CSMD1: variants seen among roughly 807,000 people sequenced by gnomAD.
The protein encoded by CSMD1 is CUB and Sushi multiple domains 1.
A neutral mutation model predicts 417.5 loss-of-function variants in CSMD1; 213 were observed. That is an observed-to-expected ratio of 0.51 (90% CI 0.46 to 0.57). The LOEUF (loss-of-function observed/expected upper bound fraction) is 0.57, where lower values mean the gene tolerates loss of function less well. CSMD1 is among the 20% of genes least tolerant of loss of function. The probability of loss-of-function intolerance (pLI) is 0.00; values close to 1 mark genes in which losing one functional copy is unlikely to be tolerated. For missense variants in CSMD1, 6,923 were observed against 4,529.7 expected (o/e 1.53, Z -15.17); for synonymous variants, 2,862 against 1,736.8 (o/e 1.65, Z -16.11).
chr8:4,000,207 G>C (rs1233751329), intron 4 of CSMD1, among the ~76,000 whole-genome samples: 2 of 151,376 alleles, frequency 1.3e-5, no homozygotes, highest in African/African-American at 2.4e-5. Context: ...TTACATTCTT[G>C]GGAACAGCCG....
chr8:3,911,023 C>T (rs1391617567), intron 5 of CSMD1, among the ~76,000 whole-genome samples: 2 of 152,116 alleles, frequency 1.3e-5, no homozygotes, highest in Non-Finnish European at 2.9e-5. Flanking sequence ...TCAGGGGCTG[C>T]CCAGCTAGCC....
At chr8:4,583,973 C>G (rs534329993) in intron 2 of CSMD1, among the ~76,000 whole-genome samples, 1 of 151,938 alleles carries the variant, frequency 6.6e-6, no homozygotes, top group African/African-American at 2.4e-5. Context: ...CTGAAGCCAA[C>G]GAGACCACAA....
rs1563283758 is a variant in CSMD1 at position 3,984,060 on chromosome 8, TTG to T, written c.818+13841_818+13842del. On this transcript the variant is annotated intron_variant, in intron 5 of 69. Coordinates refer to ENST00000635120, the MANE Select transcript of CSMD1 (RefSeq NM_033225.6). ...ACGGCAGATCTGATGGGGCTGTCAATTGCAGCTCTAGAGCACACCACAGATCT... is the reference window on the plus strand; with the variant it reads ...ACGGCAGATCTGATGGGGCTGTCAATCAGCTCTAGAGCACACCACAGATCT... Among the ~76,000 whole-genome samples, 24 of 109,914 alleles carry T rather than the reference TTG, an allele frequency of 2.2e-4. No individual in the cohort carries two copies. The East Asian group carries it at 4.1e-3, about 19-fold the overall frequency. The allele number at this position is 109,914 out of a possible 152,430, so 72.1% of individuals were successfully genotyped here. A position where few individuals can be genotyped will look rare whatever the true frequency, so the allele number is the denominator to read the frequency against.
At chr8:4,621,647 C>T (rs1046402052) in intron 2 of CSMD1, among the ~76,000 whole-genome samples, 1 of 151,908 alleles carries the variant, frequency 6.6e-6, no homozygotes, top group African/African-American at 2.4e-5. Flanking sequence ...GTTTTAGAAA[C>T]AGAGGAGAAA....
chr8:3,613,702 A>AACACAC (rs61391436), intron 8 of CSMD1, among the ~76,000 whole-genome samples: 3,663 of 144,794 alleles, frequency 0.025, 65 homozygotes, highest in East Asian at 0.052. Context: ...GTCAGATTAA[A>AACACAC]ACACACACAC....
intron 5 of CSMD1, among the ~76,000 whole-genome samples, chr8:3,802,536 G>A (rs1382616638): frequency 6.6e-6 from 1 of 152,058 alleles, no homozygotes; most frequent in East Asian, 1.9e-4. Flanking sequence ...AATACATTTA[G>A]CAGAATAATT....
At chr8:4,697,617 A>G (rs1807225938) in intron 1 of CSMD1, among the ~76,000 whole-genome samples, 2 of 152,200 alleles carry the variant, frequency 1.3e-5, no homozygotes, top group East Asian at 1.9e-4. Context: ...GTTCAACATT[A>G]TAAGGCCAAA....
At chr8:3,830,374 C>G (rs2129087319) in intron 5 of CSMD1, among the ~76,000 whole-genome samples, 1 of 152,310 alleles carries the variant, frequency 6.6e-6, no homozygotes, top group East Asian at 1.9e-4. Flanking sequence ...TGCTTTCCCT[C>G]AAGGAGACGT....
chr8:4,922,775 G>A (rs1014747965), intron 1 of CSMD1, among the ~76,000 whole-genome samples: 2 of 152,148 alleles, frequency 1.3e-5, no homozygotes, highest in African/African-American at 4.8e-5. Context: ...GCTACTGAAG[G>A]ACACCAAAGT....
intron 5 of CSMD1, among the ~76,000 whole-genome samples, chr8:3,925,976 C>T (rs1207956054): frequency 2.0e-5 from 3 of 151,184 alleles, no homozygotes; most frequent in African/African-American, 7.3e-5. Flanking sequence ...ACCTCAGTCA[C>T]CCAATTTACC....
chr8:3,057,049 A>C (rs990113472), intron 49 of CSMD1, among the ~76,000 whole-genome samples: 2 of 152,126 alleles, frequency 1.3e-5, no homozygotes, highest in African/African-American at 4.8e-5. Context: ...TAATGGAGAA[A>C]TCATGGGTTT....
chr8:4,625,248 T>G lies in CSMD1; in HGVS notation c.302+12094A>C, dbSNP rs1408987720. ...TTCCACTGTTTAAGCACAAGTCACC[T>G]GCTTGGAACGCCAGTTAATTTTCCT... On this transcript the variant is annotated intron_variant, in intron 2 of 69. Transcript: ENST00000635120. 2.0e-5 allele frequency among the ~76,000 whole-genome samples: 3 copies of G among 152,080 alleles called. No homozygotes were observed. The East Asian group carries it at 5.8e-4, about 29-fold the overall frequency.
chr8:3,034,043 T>C (rs974874324), intron 50 of CSMD1, among the ~76,000 whole-genome samples: 2 of 152,180 alleles, frequency 1.3e-5, no homozygotes, highest in Non-Finnish European at 2.9e-5. Flanking sequence ...CCCATGTGCC[T>C]TCCTTTTTCT....
intron 46 of CSMD1, 90 bp from the exon 47 acceptor site, chr8:3,097,127 T>A: frequency 9.1e-7 from 1 of 1,100,016 alleles, no homozygotes; most frequent in Admixed American, 3.2e-5. Flanking sequence ...AACAAGTCAA[T>A]GAAAGGAAAA....
chr8:4,527,807 T>G (rs1048404553), intron 2 of CSMD1, among the ~76,000 whole-genome samples: 5 of 152,210 alleles, frequency 3.3e-5, no homozygotes, highest in African/African-American at 9.6e-5. Flanking sequence ...GAAAGTCTAA[T>G]GCAGAAGTTA....
At chr8:4,423,429 C>T (rs1028937124) in intron 2 of CSMD1, among the ~76,000 whole-genome samples, 2 of 151,982 alleles carry the variant, frequency 1.3e-5, no homozygotes, top group South Asian at 2.1e-4. Context: ...AACACGTTGA[C>T]ATCAAAATCT....
intron 2 of CSMD1, among the ~76,000 whole-genome samples, chr8:4,495,099 G>A (rs1330498094): frequency 6.6e-6 from 1 of 152,138 alleles, no homozygotes; most frequent in Non-Finnish European, 1.5e-5. Flanking sequence ...TATTCACCCT[G>A]CTTCTAAAAC....
At chr8:4,505,943 T>A (rs1259601919) in intron 2 of CSMD1, among the ~76,000 whole-genome samples, 1 of 151,912 alleles carries the variant, frequency 6.6e-6, no homozygotes, top group Non-Finnish European at 1.5e-5. Context: ...GGATTACAGG[T>A]GCATGTCACC....
chr8:4,320,893 T>C (rs1271010212), intron 3 of CSMD1, among the ~76,000 whole-genome samples: 2 of 152,152 alleles, frequency 1.3e-5, no homozygotes, highest in Admixed American at 1.3e-4. Flanking sequence ...ATGTTTGTTT[T>C]GTTTTTCACT....
Sources: gnomAD v4.1 joint callset for allele counts (sites outside exome capture counted in the v4.1 genomes callset) on GRCh38, gnomAD v4.1.1 for gene constraint, MANE v1.5 for transcripts, NCBI Gene and HGNC (gene_info 2026-07-23, HGNC 2026-07-21) for gene names.